The following TANC2 variants were observed in gnomAD, a reference collection of about 807,000 sequenced individuals.
TANC2 encodes protein TANC2.
A neutral mutation model predicts 210.5 loss-of-function variants in TANC2; 26 were observed. That is an observed-to-expected ratio of 0.12 (90% CI 0.09 to 0.17). The LOEUF (loss-of-function observed/expected upper bound fraction) is 0.17. Among genes scored for constraint, TANC2 ranks in the 10% least tolerant of loss-of-function variants. The probability of loss-of-function intolerance (pLI) is 1.00; values close to 1 mark genes in which losing one functional copy is unlikely to be tolerated. For missense variants in TANC2, 2,129 were observed against 2,608.9 expected (o/e 0.82, Z 4.01); for synonymous variants, 931 against 967.1 (o/e 0.96, Z 0.69).
chr17:63,128,675 G>T (rs2038803030), intron 4 of TANC2, among the ~76,000 whole-genome samples: 1 of 152,178 alleles, frequency 6.6e-6, no homozygotes, highest in African/African-American at 2.4e-5. Flanking sequence ...TCCGCTACTA[G>T]TCCCTGTCGG....
chr17:63,354,868 A>G (rs774753696), exon 14 of TANC2: 3 of 1,613,708 alleles, frequency 1.9e-6, no homozygotes, highest in Non-Finnish European at 2.5e-6. Flanking sequence ...CTGCAGGCTT[A>G]CATCCTGCAC....
At chr17:63,267,801 A>G in exon 9 of TANC2, 2 of 1,613,198 alleles carry the variant, frequency 1.2e-6, no homozygotes, top group South Asian at 1.1e-5. Context: ...GCAGAGACAT[A>G]CACCTTTGAG....
chr17:62,981,892 G>A (rs1026617923), intron 1 of TANC2, among the ~76,000 whole-genome samples: 10 of 152,176 alleles, frequency 6.6e-5, no homozygotes, highest in East Asian at 1.9e-4. Context: ...ACATAAGGCC[G>A]GGAGACTCCT....
At chr17:63,204,368 A>G (rs184879117) in intron 7 of TANC2, among the ~76,000 whole-genome samples, 6 of 152,320 alleles carry the variant, frequency 3.9e-5, no homozygotes, top group African/African-American at 9.6e-5. Context: ...TACTGTCTTC[A>G]TGGATTGGAA....
chr17:63,097,421 G>T (rs1252145528), intron 3 of TANC2, among the ~76,000 whole-genome samples: 2 of 152,000 alleles, frequency 1.3e-5, no homozygotes, highest in Non-Finnish European at 2.9e-5. Flanking sequence ...TCTATTAAAA[G>T]TAATGGCAAA....
chr17:62,994,269 G>C (rs2033004500), intron 1 of TANC2, among the ~76,000 whole-genome samples: 1 of 151,398 alleles, frequency 6.6e-6, no homozygotes, highest in East Asian at 1.9e-4. Flanking sequence ...TGCCTCCTGG[G>C]TTCCTGGGTT....
intron 17 of TANC2, among the ~76,000 whole-genome samples, chr17:63,392,431 C>A (rs1322483041): frequency 6.6e-6 from 1 of 152,180 alleles, no homozygotes; most frequent in African/African-American, 2.4e-5. Flanking sequence ...TCATTGACAT[C>A]TTTCCCTCCT....
chr17:63,057,482 G>A (rs2035848546), intron 2 of TANC2, among the ~76,000 whole-genome samples: 1 of 152,028 alleles, frequency 6.6e-6, no homozygotes, highest in Admixed American at 6.6e-5. Context: ...ATTTATAGGT[G>A]AATTTGTGTC....
Position 63,229,645 on chromosome 17 carries a change from G to C in TANC2, c.770-8169G>C, listed in dbSNP as rs548509631. On this transcript the variant is annotated intron_variant, in intron 7 of 27. Transcript: ENST00000689528. ...TCAGAACTTGTTATTGGTCTATTCA[G>C]GGATTCAACATCTTCCTGGTTCAGT... Among the ~76,000 whole-genome samples the C allele has an allele frequency of 8.2e-4, 125 of 151,516 alleles. 1 individual carries two copies. Among genetic ancestry groups the C allele is most frequent in the African/African-American group, 2.5e-3 (102 of 41,288 alleles).
intron 2 of TANC2, among the ~76,000 whole-genome samples, chr17:63,033,269 C>T (rs529780499): frequency 6.6e-6 from 1 of 152,252 alleles, no homozygotes; most frequent in African/African-American, 2.4e-5. Flanking sequence ...AGTCCTTTTC[C>T]GTTCCCCAGA....
At chr17:63,092,666 C>T (rs1298211549) in intron 3 of TANC2, among the ~76,000 whole-genome samples, 2 of 151,810 alleles carry the variant, frequency 1.3e-5, no homozygotes, top group South Asian at 2.1e-4. Flanking sequence ...TCTCACATGG[C>T]GGGAGCAGGA....
rs901012306 is a variant in TANC2 at position 63,411,820 on chromosome 17, G to A, written c.3765+134G>A. 5 of 1,407,538 alleles carry A rather than the reference G, an allele frequency of 3.6e-6. No individual in the cohort carries two copies. In the African/African-American group the frequency reaches 7.2e-5, roughly 20 times the overall value. The allele number at this position is 1,407,538 out of a possible 1,614,324, so 87.2% of individuals were successfully genotyped here. A position where few individuals can be genotyped will look rare whatever the true frequency, so the allele number is the denominator to read the frequency against. On this transcript the variant is annotated intron_variant, in intron 22 of 27. Coordinates refer to ENST00000689528, the Ensembl canonical transcript of TANC2. ...CTCTCAGATCTATACTTGCTAGAGA[G>A]CAAGAATATTCAAAATGCTGTTAAA...
At position 63,412,650 on chromosome 17, in the gene TANC2, A is replaced by G. The variant is rs1458556133; in HGVS notation, c.3899-30A>G. ...TTCATCCATTTTTTTTTCCTCTCCT[A>G]CAACTTTTTGTTTTCTCCTTTCTTT... is the stretch of plus-strand genomic sequence containing the variant. On this transcript the variant is annotated intron_variant, in intron 23 of 27. Coordinates refer to ENST00000689528, the Ensembl canonical transcript of TANC2. This position sits in a 1 kb window ranked among gnomAD's most constrained non-coding sequence, Gnocchi z 4.2. The G allele has an allele frequency of 1.3e-6, 2 of 1,505,244 alleles. No individual in the cohort carries two copies. Among genetic ancestry groups the G allele is most frequent in the South Asian group, 2.5e-5 (2 of 81,548 alleles). The allele number at this position is 1,505,244 out of a possible 1,614,324, so 93.2% of individuals were successfully genotyped here.
chr17:63,219,668 C>T (rs747735435), intron 7 of TANC2, among the ~76,000 whole-genome samples: 3 of 152,160 alleles, frequency 2.0e-5, no homozygotes, highest in Non-Finnish European at 4.4e-5. Flanking sequence ...ACCTCAGCCT[C>T]CCAAAGTGCT....
chr17:63,270,226 A>T (rs1163690829), intron 9 of TANC2, among the ~76,000 whole-genome samples: 1 of 152,186 alleles, frequency 6.6e-6, no homozygotes, highest in Admixed American at 6.6e-5. Context: ...GTAACATGTT[A>T]TCTTAATTAT....
chr17:63,136,341 T>C (rs1473478623), intron 4 of TANC2, among the ~76,000 whole-genome samples: 1 of 152,174 alleles, frequency 6.6e-6, no homozygotes, highest in African/African-American at 2.4e-5. Flanking sequence ...CACAACATAA[T>C]TGCATGAAAA....
At chr17:63,123,959 C>A (rs2038602385) in intron 4 of TANC2, among the ~76,000 whole-genome samples, 1 of 151,992 alleles carries the variant, frequency 6.6e-6, no homozygotes, top group Non-Finnish European at 1.5e-5. Flanking sequence ...CCTTGGCCTC[C>A]CAAAGTGCTG....
chr17:63,159,443 A>G (rs2039949338), intron 5 of TANC2, among the ~76,000 whole-genome samples: 1 of 152,232 alleles, frequency 6.6e-6, no homozygotes, highest in African/African-American at 2.4e-5. Context: ...GAAAATATAC[A>G]TAATCCATGA....
At chr17:63,419,975 C>T (rs2048973326) in intron 27 of TANC2, 24 bp from the exon 28 acceptor site, 8 of 1,516,130 alleles carry the variant, frequency 5.3e-6, no homozygotes, top group Non-Finnish European at 7.1e-6. Context: ...ACTCCAGTTC[C>T]TGTGTTCACA....
Sources: allele counts gnomAD v4.1 joint callset (sites outside exome capture counted in the v4.1 genomes callset), GRCh38; gene constraint gnomAD v4.1.1; non-coding constraint Gnocchi (gnomAD v3.1); transcripts MANE v1.5; gene names NCBI Gene and HGNC (gene_info 2026-07-23, HGNC 2026-07-21).